Variants in DLG2 observed in about 807,000 individuals in gnomAD.
The protein encoded by DLG2 is disks large homolog 2.
A neutral mutation model predicts 132.5 loss-of-function variants in DLG2; 45 were observed. That is an observed-to-expected ratio of 0.34 (90% CI 0.27 to 0.44). DLG2 has a LOEUF of 0.44. DLG2 is among the 20% of genes least tolerant of loss of function. The pLI is 1.00. For synonymous variants in DLG2, 424 were observed against 419.6 expected (o/e 1.01, Z -0.13); for missense variants, 1,045 against 1,196.9 (o/e 0.87, Z 1.87).
intron 3 of DLG2, among the ~76,000 whole-genome samples, chr11:85,326,329 C>A (rs1012532582): frequency 1.4e-5 from 2 of 142,784 alleles, no homozygotes; most frequent in Non-Finnish European, 3.0e-5. Context: ...GTCAGATTCA[C>A]CAAAGTTGAA....
intron 8 of DLG2, among the ~76,000 whole-genome samples, chr11:84,210,400 C>T (rs10792735): frequency 1.6e-5 from 2 of 123,662 alleles, no homozygotes; most frequent in African/African-American, 2.9e-5. Flanking sequence ...GTGGGGGGAG[C>T]GGGGAGGGAT....
At chr11:85,260,002 G>T (rs145139056) in intron 4 of DLG2, among the ~76,000 whole-genome samples, 1 of 152,046 alleles carries the variant, frequency 6.6e-6, no homozygotes, top group African/African-American at 2.4e-5. Context: ...AGGTACCCAG[G>T]GCAGATTCTC....
chr11:84,963,502 G>C (rs751190353), intron 6 of DLG2, among the ~76,000 whole-genome samples: 3 of 152,118 alleles, frequency 2.0e-5, no homozygotes, highest in Non-Finnish European at 4.4e-5. Context: ...TTCATTAACT[G>C]TTCCAGAGAC....
chr11:85,520,565 GT>G (rs1342655651), intron 3 of DLG2, among the ~76,000 whole-genome samples: 1 of 147,810 alleles, frequency 6.8e-6, no homozygotes, highest in Non-Finnish European at 1.5e-5. Context: ...GCTACCCTTA[GT>G]AAAAAGAACA....
intron 7 of DLG2, among the ~76,000 whole-genome samples, chr11:84,349,837 A>AATATATATATAT (rs10694163): frequency 2.0e-5 from 3 of 150,602 alleles, no homozygotes; most frequent in African/African-American, 7.4e-5. Context: ...CTGCCTCTAA[A>AATATATATATAT]ATATATATAT....
At chr11:83,850,156 G>GT (rs1555057362) in intron 16 of DLG2, among the ~76,000 whole-genome samples, 1,767 of 133,028 alleles carry the variant, frequency 0.013, 59 homozygotes, top group African/African-American at 0.056. Context: ...GTGTGTGTGT[G>GT]TGTGTTTTTT....
At chr11:85,365,727 T>C (rs961594764) in intron 3 of DLG2, among the ~76,000 whole-genome samples, 1 of 152,164 alleles carries the variant, frequency 6.6e-6, no homozygotes, top group Non-Finnish European at 1.5e-5. Flanking sequence ...ATGTGGCACA[T>C]AGACACCATG....
intron 5 of DLG2, among the ~76,000 whole-genome samples, chr11:85,144,670 G>C (rs1307087819): frequency 2.0e-5 from 3 of 151,508 alleles, no homozygotes; most frequent in East Asian, 3.9e-4. Context: ...CAACCTAACT[G>C]ATTTCAGAAA....
At chr11:84,281,481 T>C (rs1368454774) in intron 7 of DLG2, among the ~76,000 whole-genome samples, 1 of 152,108 alleles carries the variant, frequency 6.6e-6, no homozygotes, top group Non-Finnish European at 1.5e-5. Context: ...AGGGTACATG[T>C]GCACAATGTG....
At chr11:84,831,281 T>C (rs186932776) in intron 6 of DLG2, among the ~76,000 whole-genome samples, 10 of 151,656 alleles carry the variant, frequency 6.6e-5, no homozygotes, top group African/African-American at 2.4e-4. Flanking sequence ...TGTATTTCTA[T>C]TTTACGTTGT....
At chr11:85,336,388 G>A (rs2082132965) in intron 3 of DLG2, 1 of 153,348 alleles carries the variant, frequency 6.5e-6, no homozygotes, top group Admixed American at 6.5e-5. Context: ...TTTTTATTCT[G>A]GCTATTACTG....
rs1565749861 is a variant in DLG2, at chr11:84,714,601, C to CTCTTTCTCTTTCTCTT, written c.358-179886_358-179871dup. ...TTTCTCTTTCTCTTTCTCTTTCTTT[C>CTCTTTCTCTTTCTCTT]TCTTTCTCTTTCTCTTTCTCTTTCT... On this transcript the variant is annotated intron_variant, in intron 6 of 27. Transcript: ENST00000376104. 8.4e-5 allele frequency among the ~76,000 whole-genome samples: 8 copies of CTCTTTCTCTTTCTCTT among 95,554 alleles called. No individual in the cohort carries two copies. In the East Asian group the frequency reaches 2.2e-3, roughly 27 times the overall value. The allele number at this position is 95,554 out of a possible 152,430, so 62.7% of individuals were successfully genotyped here. A position where few individuals can be genotyped will look rare whatever the true frequency, so the allele number is the denominator to read the frequency against.
At chr11:84,152,773 T>C (rs73515790) in intron 9 of DLG2, among the ~76,000 whole-genome samples, 183 of 152,346 alleles carry the variant, frequency 1.2e-3, no homozygotes, top group African/African-American at 4.0e-3. Flanking sequence ...GACAGGTCTC[T>C]TGAAGACACT....
At chr11:84,570,045 G>A (rs144514160) in intron 6 of DLG2, among the ~76,000 whole-genome samples, 1 of 152,128 alleles carries the variant, frequency 6.6e-6, no homozygotes, top group South Asian at 2.1e-4. Context: ...TGTTGGAAAG[G>A]ATGAAGTTTC....
At chr11:83,574,556 C>T (rs1026954977) in intron 19 of DLG2, among the ~76,000 whole-genome samples, 5 of 152,062 alleles carry the variant, frequency 3.3e-5, no homozygotes, top group South Asian at 2.1e-4. Flanking sequence ...TGTTTTCTGA[C>T]GGCCTCTATA....
chr11:84,021,993 C>A (rs1348236325), intron 11 of DLG2, among the ~76,000 whole-genome samples: 2 of 152,050 alleles, frequency 1.3e-5, no homozygotes, highest in South Asian at 4.1e-4. Flanking sequence ...ATGATCTGCC[C>A]GCCTCGGCTT....
At chr11:84,702,514 T>C (rs1158300203) in intron 6 of DLG2, among the ~76,000 whole-genome samples, 2 of 151,702 alleles carry the variant, frequency 1.3e-5, no homozygotes, top group Admixed American at 6.6e-5. Context: ...CTTTTGATTC[T>C]TTTGTTTTCC....
At chr11:84,678,238 A>G (rs1274933252) in intron 6 of DLG2, among the ~76,000 whole-genome samples, 1 of 152,058 alleles carries the variant, frequency 6.6e-6, no homozygotes, top group African/African-American at 2.4e-5. Context: ...AGGTTTTGTG[A>G]ATCATATGTA....
chr11:84,142,313 C>T (rs1194242450), intron 9 of DLG2, among the ~76,000 whole-genome samples: 2 of 85,022 alleles, frequency 2.4e-5, no homozygotes, highest in Non-Finnish European at 4.9e-5. Flanking sequence ...GAGTGAGAAT[C>T]CATCTCAAAA....
Sources: gnomAD v4.1 joint callset for allele counts (sites outside exome capture counted in the v4.1 genomes callset) on GRCh38, gnomAD v4.1.1 for gene constraint, MANE v1.5 for transcripts, NCBI Gene and HGNC (gene_info 2026-07-23, HGNC 2026-07-21) for gene names.